Variants in YEATS2 observed in about 807,000 individuals in gnomAD.
YEATS2 encodes YEATS domain-containing protein 2.
Under a neutral mutation model 163.2 loss-of-function variants are expected in YEATS2, and 77 were observed. The observed-to-expected ratio is 0.47, with a 90% confidence interval of 0.39 to 0.57. YEATS2 has a LOEUF of 0.57. Among genes scored for constraint, YEATS2 ranks in the 20% least tolerant of loss-of-function variants. The pLI is 0.00. For synonymous variants in YEATS2, 631 were observed against 645.1 expected, an observed-to-expected ratio of 0.98 and a Z score of 0.33; for missense variants, 1,549 against 1,729.8, an observed-to-expected ratio of 0.90 and a Z score of 1.85.
At chr3:183,710,318 C>G (rs929198958) in intron 1 of YEATS2, among the ~76,000 whole-genome samples, 1 of 152,176 alleles carries the variant, frequency 6.6e-6, no homozygotes, top group Non-Finnish European at 1.5e-5. Flanking sequence ...TCATTTGTTA[C>G]ACATTCTGTT....
At chr3:183,699,981 T>C (rs1417404005) in intron 1 of YEATS2, among the ~76,000 whole-genome samples, 1 of 152,200 alleles carries the variant, frequency 6.6e-6, no homozygotes, top group Non-Finnish European at 1.5e-5. Flanking sequence ...CCCATTTCCA[T>C]CTGCCCCAAA....
At chr3:183,806,178 T>C in intron 27 of YEATS2, 1 of 401,660 alleles carries the variant, frequency 2.5e-6, no homozygotes, top group Non-Finnish European at 4.8e-6. Flanking sequence ...ATATCCTAAG[T>C]CAAAAATGAT....
Position 183,801,520 on chromosome 3 carries a change from C to A in YEATS2, c.3494C>A (p.Thr1165Asn). 1 of 1,608,438 alleles carries A rather than the reference C, an allele frequency of 6.2e-7. No homozygotes were observed. Among genetic ancestry groups the A allele is most frequent in the Non-Finnish European group, 8.5e-7 (1 of 1,177,144 alleles). Reference protein sequence around the residue: ...TAVVKKIPLITAKSEDASCFS... With the variant: ...TAVVKKIPLINAKSEDASCFS... ...GTAGTAAAGAAGATTCCATTAATCA[C>A]TGCAAAAAGTAAGACAATTACACTG... The change falls in exon 25 of 31, where the codon ACT becomes AAT. Residue 1165 changes from threonine to asparagine, a missense_variant. Thr to Asn is a moderately conservative substitution (Grantham distance 65, BLOSUM62 0). Transcript: ENST00000305135.
chr3:183,745,409 G>A (rs1450700959), intron 8 of YEATS2, among the ~76,000 whole-genome samples: 1 of 152,042 alleles, frequency 6.6e-6, no homozygotes, highest in Non-Finnish European at 1.5e-5. Context: ...TGAACATTCT[G>A]CTCTAGCCAT....
chr3:183,709,797 C>G (rs974555767), intron 1 of YEATS2, among the ~76,000 whole-genome samples: 4 of 151,532 alleles, frequency 2.6e-5, no homozygotes, highest in African/African-American at 9.7e-5. Context: ...CCTGCCTTAG[C>G]CTCCGGAGTA....
chr3:183,804,598 A>C (rs547557543), intron 27 of YEATS2, among the ~76,000 whole-genome samples: 1 of 152,282 alleles, frequency 6.6e-6, no homozygotes, highest in South Asian at 2.1e-4. Context: ...CTGTTACTTT[A>C]TCTCCAAACC....
At chr3:183,732,634 A>G (rs1300615938) in intron 7 of YEATS2, among the ~76,000 whole-genome samples, 1 of 151,342 alleles carries the variant, frequency 6.6e-6, no homozygotes, top group Non-Finnish European at 1.5e-5. Context: ...GTCTTGGCTC[A>G]CTGCAAGCTC....
Position 183,751,976 on chromosome 3 carries a change from T to G in YEATS2, c.970-97T>G, listed in dbSNP as rs1720211886. 7 of 1,341,858 alleles carry G rather than the reference T, an allele frequency of 5.2e-6. No individual in the cohort carries two copies. In the South Asian group the frequency reaches 8.9e-5, roughly 17 times the overall value. 83.1% of individuals were successfully genotyped at this position (1,341,858 alleles called of 1,614,324 possible). On this transcript the variant is annotated intron_variant, in intron 9 of 30. Coordinates refer to ENST00000305135, the MANE Select transcript of YEATS2 (RefSeq NM_018023.5). ...GCCTTTGAAGTGTGATTAGAAGTTA[T>G]CTCTCACATCCCGGAGATTACATTC... is the stretch of plus-strand genomic sequence containing the variant.
Position 183,758,843 on chromosome 3 carries a change from A to T in YEATS2, c.1553-19A>T, listed in dbSNP as rs751885560. 1 of 1,498,544 alleles carries T rather than the reference A, an allele frequency of 6.7e-7. No individual in the cohort carries two copies. The highest frequency in any genetic ancestry group is 9.2e-7 in the Non-Finnish European group (1 of 1,090,422). 92.8% of individuals were successfully genotyped at this position (1,498,544 alleles called of 1,614,324 possible). A position where few individuals can be genotyped will look rare whatever the true frequency, so the allele number is the denominator to read the frequency against. On this transcript the variant is annotated intron_variant, in intron 12 of 30. Coordinates refer to ENST00000305135, the MANE Select transcript of YEATS2 (RefSeq NM_018023.5). ...TAAATTTTACTTTGTTTATGTTTTA[A>T]TTGTGCCTTGCTTATCAGGAAGTCC...
intron 8 of YEATS2, 120 bp downstream of exon 8, chr3:183,736,949 G>T: frequency 3.8e-6 from 3 of 783,632 alleles, no homozygotes; most frequent in Non-Finnish European, 6.0e-6. Flanking sequence ...TACAACTTTC[G>T]ACTCCCCCAA....
intron 6 of YEATS2, among the ~76,000 whole-genome samples, chr3:183,724,978 G>A (rs2109079341): frequency 6.6e-6 from 1 of 151,418 alleles, no homozygotes; most frequent in South Asian, 2.1e-4. Flanking sequence ...CCCGACCTCA[G>A]GTGATCCATC....
At chr3:183,744,393 A>T (rs1719308218) in intron 8 of YEATS2, among the ~76,000 whole-genome samples, 1 of 152,116 alleles carries the variant, frequency 6.6e-6, no homozygotes, top group Admixed American at 6.6e-5. Flanking sequence ...CTGGGATTAC[A>T]GGCGTGAGCC....
At chr3:183,796,682 A>G (rs973349265) in intron 21 of YEATS2, among the ~76,000 whole-genome samples, 1 of 151,882 alleles carries the variant, frequency 6.6e-6, no homozygotes, top group Non-Finnish European at 1.5e-5. Flanking sequence ...AGGAGCCAGC[A>G]TAGGTTTTTA....
At chr3:183,729,773 T>C (rs1717522748) in intron 7 of YEATS2, among the ~76,000 whole-genome samples, 1 of 151,870 alleles carries the variant, frequency 6.6e-6, no homozygotes, top group Middle Eastern at 3.2e-3. Flanking sequence ...AGGTTCAACC[T>C]CTGCTTCAGG....
intron 19 of YEATS2, among the ~76,000 whole-genome samples, chr3:183,782,039 C>T (rs1038787520): frequency 1.3e-5 from 2 of 152,010 alleles, no homozygotes; most frequent in South Asian, 2.1e-4. Flanking sequence ...TGTTATTCAA[C>T]GTAATGTTTC....
chr3:183,730,059 T>TTTG (rs1560244389), intron 7 of YEATS2, among the ~76,000 whole-genome samples: 4 of 72,498 alleles, frequency 5.5e-5, no homozygotes, highest in African/African-American at 3.3e-4. Context: ...TTTGTTTTTT[T>TTTG]TTTTTTTTTT....
At chr3:183,715,066 G>T (rs1715695197) in intron 1 of YEATS2, 78 bp from the exon 2 acceptor site, 1 of 745,722 alleles carries the variant, frequency 1.3e-6, no homozygotes, top group Non-Finnish European at 2.3e-6. Flanking sequence ...ATATTTGTAA[G>T]TACTGGTATG....
In YEATS2 at chr3:183,790,825, C is replaced by T; in HGVS notation, c.2942C>T (p.Ser981Phe). Residue 981 changes from serine to phenylalanine, a missense_variant, in exon 21 of 31, where the codon TCT becomes TTT. Physicochemically the swap from Ser to Phe is radical, Grantham distance 155 (BLOSUM62 -2). Transcript: ENST00000305135. The part of the protein sequence containing the change: ...QSEGMAPVSS[S>F]TVSSVTKTSG... ...GAAGGAATGGCTCCCGTGTCTTCATCTACGGTCAGTTCTGTAACGAAAACT... is the reference window on the plus strand; with the variant it reads ...GAAGGAATGGCTCCCGTGTCTTCATTTACGGTCAGTTCTGTAACGAAAACT... The T allele has an allele frequency of 6.2e-7, 1 of 1,614,128 alleles. No individual in the cohort carries two copies. The highest frequency in any genetic ancestry group is 8.5e-7 in the Non-Finnish European group (1 of 1,179,996).
At chr3:183,746,015 G>A (rs1049592654) in intron 8 of YEATS2, among the ~76,000 whole-genome samples, 3 of 152,064 alleles carry the variant, frequency 2.0e-5, no homozygotes. Flanking sequence ...AATTATTTTT[G>A]TAGAGTTGAG....
Sources: gnomAD v4.1 joint callset for allele counts (sites outside exome capture counted in the v4.1 genomes callset) on GRCh38, gnomAD v4.1.1 for gene constraint, MANE v1.5 for transcripts, NCBI Gene and HGNC (gene_info 2026-07-23, HGNC 2026-07-21) for gene names.